USP25: variants seen among roughly 807,000 people sequenced by gnomAD.
USP25 encodes ubiquitin specific peptidase 25, also known as ubiquitin carboxyl-terminal hydrolase 25.
In USP25, 85 loss-of-function variants were observed where a neutral mutation model predicts 158.5. That is an observed-to-expected ratio of 0.54 (90% confidence interval 0.45 to 0.64). The LOEUF is 0.64. Ranked by LOEUF, USP25 falls within the 30% of genes least tolerant of loss-of-function variation. USP25 has a pLI of 0.00. For missense variants in USP25, 1,242 were observed against 1,327.3 expected, an observed-to-expected ratio of 0.94 and a Z score of 1.00; for synonymous variants, 464 against 460.4, an observed-to-expected ratio of 1.01 and a Z score of -0.10.
intron 14 of USP25, among the ~76,000 whole-genome samples, chr21:15,827,599 G>A (rs2037576149): frequency 6.6e-6 from 1 of 151,928 alleles, no homozygotes. Flanking sequence ...ATTTTCTTTG[G>A]GCTTAAGAAT....
chr21:15,775,212 G>C (rs1035788730), intron 3 of USP25, among the ~76,000 whole-genome samples: 8 of 152,146 alleles, frequency 5.3e-5, no homozygotes, highest in Non-Finnish European at 1.0e-4. Context: ...AATTACAATT[G>C]ATGAATTAGG....
chr21:15,747,689 G>A (rs1311835701), intron 1 of USP25, among the ~76,000 whole-genome samples: 1 of 152,118 alleles, frequency 6.6e-6, no homozygotes. Context: ...TACACAGTGT[G>A]GATATGTTGG....
rs1409697138 is a variant in USP25 at position 15,877,855 on chromosome 21, T to C, written c.3069T>C (p.Asn1023=). ...FESGEDREVN[N]GLIIMNEFIV... ...CTGGAGAGGATCGAGAAGTAAACAA[T>C]GGTTTGATTATCATGAATGAGTTTA... The change falls in exon 25 of 26, where the codon AAT becomes AAC. Residue 1023 remains asparagine, a synonymous_variant. Transcript: ENST00000400183. 2 of 1,612,992 alleles carry C rather than the reference T, an allele frequency of 1.2e-6. No individual in the cohort carries two copies. Among genetic ancestry groups the C allele is most frequent in the Non-Finnish European group, 8.5e-7 (1 of 1,179,582 alleles).
intron 5 of USP25, among the ~76,000 whole-genome samples, chr21:15,795,328 T>A (rs2035807674): frequency 6.6e-6 from 1 of 151,668 alleles, no homozygotes; most frequent in Admixed American, 6.6e-5. Context: ...TTTGTTATCC[T>A]GGAGTTGTCA....
chr21:15,830,784 C>G (rs1285439324), intron 15 of USP25, among the ~76,000 whole-genome samples, 183 bp downstream of exon 15: 1 of 152,014 alleles, frequency 6.6e-6, no homozygotes, highest in Non-Finnish European at 1.5e-5. Context: ...AATGGGGAAA[C>G]TTTTATAACA....
chr21:15,858,343 T>C (rs1478117586), intron 20 of USP25, among the ~76,000 whole-genome samples: 1 of 152,004 alleles, frequency 6.6e-6, no homozygotes, highest in Non-Finnish European at 1.5e-5. Flanking sequence ...TTTATTGTCT[T>C]CTGTTGTGTT....
At chr21:15,730,493 T>C in intron 1 of USP25, 55 bp downstream of exon 1, 3 of 1,301,268 alleles carry the variant, frequency 2.3e-6, no homozygotes, top group South Asian at 4.3e-5. Context: ...CGGGCTGTCC[T>C]CTCCCGCTGC....
At chr21:15,744,565 C>T (rs1192481621) in intron 1 of USP25, among the ~76,000 whole-genome samples, 6 of 149,280 alleles carry the variant, frequency 4.0e-5, no homozygotes, top group African/African-American at 1.3e-4. Flanking sequence ...CTTCCTGTCT[C>T]GGCCTCCTAG....
At chr21:15,745,771 C>G (rs183954436) in intron 1 of USP25, among the ~76,000 whole-genome samples, 2 of 152,118 alleles carry the variant, frequency 1.3e-5, no homozygotes, top group South Asian at 4.1e-4. Context: ...CCACCACGCC[C>G]GGCTGCTTTA....
At chr21:15,835,156 T>G (rs952358211) in intron 17 of USP25, among the ~76,000 whole-genome samples, 2 of 152,202 alleles carry the variant, frequency 1.3e-5, no homozygotes, top group African/African-American at 4.8e-5. Flanking sequence ...AGGGGCTGCA[T>G]AGTGTACTAT....
At chr21:15,823,415 G>A (rs893678717) in intron 10 of USP25, among the ~76,000 whole-genome samples, 2 of 151,984 alleles carry the variant, frequency 1.3e-5, no homozygotes, top group African/African-American at 4.8e-5. Context: ...TTGGCTCATA[G>A]CAATGAGACA....
Position 15,864,271 on chromosome 21 carries a change from A to T in USP25, c.2551A>T (p.Ile851Phe), listed in dbSNP as rs2039560660. ...CGPEAGFFKA[I>F]KLEYARLVKL... ...TCATTTTCATTGCATTTTCCAGGCA[A>T]TTAAGTTGGAATATGCAAGGTTGGT... is the stretch of plus-strand genomic sequence containing the variant. The change falls in exon 21 of 26, where the codon ATT becomes TTT. Residue 851 changes from isoleucine (I) to phenylalanine (F), a missense_variant. Ile to Phe is a conservative substitution (Grantham distance 21, BLOSUM62 0). Transcript: ENST00000400183. 1 of 1,593,040 alleles carries T rather than the reference A, an allele frequency of 6.3e-7. No homozygotes were observed. The highest frequency in any genetic ancestry group is 1.2e-5 in the South Asian group (1 of 85,498).
rs185183998 is a variant in USP25, at chr21:15,833,786, A to C, written c.2194+238A>C. Among the ~76,000 whole-genome samples, 175 of 152,246 alleles carry C rather than the reference A, an allele frequency of 1.1e-3. 1 individual carries two copies. Among genetic ancestry groups the C allele is most frequent in the African/African-American group, 4.0e-3 (165 of 41,542 alleles). ...AGATAATTCTGTTGACTTTCCCTCTACCTACTCTGCCTGTGTTGGGTGGGC... is the reference window on the plus strand; with the variant it reads ...AGATAATTCTGTTGACTTTCCCTCTCCCTACTCTGCCTGTGTTGGGTGGGC... On this transcript the variant is annotated intron_variant, in intron 17 of 25. Transcript: ENST00000400183.
intron 1 of USP25, among the ~76,000 whole-genome samples, chr21:15,746,243 T>A (rs1328235230): frequency 6.6e-6 from 1 of 152,188 alleles, no homozygotes; most frequent in Non-Finnish European, 1.5e-5. Context: ...GGTTTCTGAG[T>A]AGGATTGTGT....
chr21:15,792,626 A>G (rs41384050), intron 5 of USP25, among the ~76,000 whole-genome samples: 2,553 of 151,744 alleles, frequency 0.017, 74 homozygotes, highest in African/African-American at 0.057. Flanking sequence ...TAAGGCAACT[A>G]ACAGGTTATT....
At position 15,864,286 on chromosome 21, in the gene USP25, G is replaced by A; in HGVS notation, c.2566G>A (p.Ala856Thr). ...TTTCCAGGCAATTAAGTTGGAATAT[G>A]CAAGGTTGGTTAAGTTGGCCCAAGA... Reference protein sequence around the residue: ...GFFKAIKLEYARLVKLAQEDT... With the variant: ...GFFKAIKLEYTRLVKLAQEDT... The change falls in exon 21 of 26, where the codon GCA becomes ACA. Residue 856 changes from alanine to threonine, a missense_variant. Around this residue, in one of 3 missense-constraint regions of USP25, gnomAD observed 608 missense variants for 605.2 expected, o/e 1.00. Transcript: ENST00000400183. 1.2e-6 allele frequency: 2 copies of A among 1,606,094 alleles called. No homozygotes were observed. Among genetic ancestry groups the A allele is most frequent in the Non-Finnish European group, 1.7e-6 (2 of 1,178,030 alleles).
rs2037495759 is a variant in USP25, at chr21:15,826,223, G to A, written c.1324G>A (p.Gly442Ser). The change falls in exon 13 of 26, where the codon GGT becomes AGT. Residue 442 changes from glycine (G) to serine (S), a missense_variant. By Grantham distance (56) the Gly-to-Ser change is moderately conservative. Coordinates refer to ENST00000400183, the MANE Select transcript of USP25 (RefSeq NM_001283041.3). This position sits in a 1 kb window ranked among gnomAD's most constrained non-coding sequence, Gnocchi z 4.8. ...RLERYLSYGSGPKRFPLVDVL... is the reference protein window; with the variant it reads ...RLERYLSYGSSPKRFPLVDVL... ...TAACAGATATTTAAGCTATGGTTCC[G>A]GTCCCAAACGATTCCCCTTGGTAGA... The A allele has an allele frequency of 1.2e-6, 2 of 1,613,652 alleles. No individual in the cohort carries two copies. Among genetic ancestry groups the A allele is most frequent in the African/African-American group, 1.3e-5 (1 of 74,884 alleles).
At chr21:15,834,103 A>G (rs533700146) in intron 17 of USP25, among the ~76,000 whole-genome samples, 1 of 152,360 alleles carries the variant, frequency 6.6e-6, no homozygotes, top group South Asian at 2.1e-4. Context: ...GGTAAAAAGT[A>G]AGTGTATAGA....
At chr21:15,769,131 A>G (rs1024749980) in intron 3 of USP25, among the ~76,000 whole-genome samples, 2 of 152,094 alleles carry the variant, frequency 1.3e-5, no homozygotes, top group Admixed American at 6.6e-5. Context: ...TTGTTTATGC[A>G]TACCTGGTGT....
Sources: gnomAD v4.1 joint callset for allele counts (sites outside exome capture counted in the v4.1 genomes callset) on GRCh38, gnomAD v4.1.1 for gene constraint, gnomAD v4.1.1 regional missense constraint, Gnocchi (gnomAD v3.1) non-coding constraint, MANE v1.5 for transcripts, NCBI Gene and HGNC (gene_info 2026-07-23, HGNC 2026-07-21) for gene names.